The following DPP4 variants were observed in gnomAD, a reference collection of about 807,000 sequenced individuals.
The protein encoded by DPP4 is dipeptidyl peptidase 4, also known as ADCP-2.
A neutral mutation model predicts 122.4 loss-of-function variants in DPP4; 93 were observed. That is an observed-to-expected ratio of 0.76 (90% CI 0.64 to 0.90). DPP4 has a LOEUF of 0.90. Ranked by LOEUF, DPP4 falls within the 40% of genes least tolerant of loss-of-function variation. DPP4 has a pLI of 0.00. For synonymous variants in DPP4, 321 were observed against 302.9 expected, an observed-to-expected ratio of 1.06 and a Z score of -0.62; for missense variants, 914 against 907.3, an observed-to-expected ratio of 1.01 and a Z score of -0.09.
chr2:162,018,963 A>C, intron 15 of DPP4, 113 bp from the exon 16 acceptor site: 1 of 1,360,698 alleles, frequency 7.3e-7, no homozygotes, highest in South Asian at 1.4e-5. Context: ...CGCAATCTTT[A>C]GGACTTTTTT....
intron 18 of DPP4, among the ~76,000 whole-genome samples, chr2:162,016,016 T>G (rs765526921): frequency 2.6e-5 from 4 of 152,158 alleles, no homozygotes; most frequent in African/African-American, 9.7e-5. Context: ...TCAGTTTGAG[T>G]AGCACTGATG....
chr2:162,033,862 G>GTATATATGTATA (rs1683659253), intron 9 of DPP4, among the ~76,000 whole-genome samples: 1 of 104,026 alleles, frequency 9.6e-6, no homozygotes, highest in African/African-American at 3.5e-5. Flanking sequence ...CAGAATATGT[G>GTATATATGTATA]TATATATATA....
chr2:162,047,440 A>AG lies in DPP4; in HGVS notation c.155dup (p.Tyr53LeufsTer2). ...TTAAGGAGTATAACTTCAGTCTATA[A>AG]GTATTTTTTAAGTAATCAGTTAGAG... is the stretch of plus-strand genomic sequence containing the variant. On this transcript the variant is annotated frameshift_variant, in exon 3 of 26. Transcript: ENST00000360534. LOFTEE classifies it high-confidence loss of function. 3.2e-6 allele frequency: 5 copies of AG among 1,586,846 alleles called. No homozygotes were observed. The highest frequency in any genetic ancestry group is 4.3e-6 in the Non-Finnish European group (5 of 1,161,196).
At position 162,047,504 on chromosome 2, in the gene DPP4, G is replaced by A; in HGVS notation, c.95-3C>T. On this transcript the variant is annotated splice_region_variant and splice_polypyrimidine_tract_variant and intron_variant, in intron 2 of 25. Coordinates refer to ENST00000360534, the MANE Select transcript of DPP4 (RefSeq NM_001935.4). Reference sequence around the variant, plus strand: ...ACTGTCAGCTGTAGCATCATCTGCTGGTTGAAAGAAAGAGCCAAATGTTCA... The same window carrying A: ...ACTGTCAGCTGTAGCATCATCTGCTAGTTGAAAGAAAGAGCCAAATGTTCA... 1.3e-6 allele frequency: 2 copies of A among 1,551,428 alleles called. No individual in the cohort carries two copies. Among genetic ancestry groups the A allele is most frequent in the Non-Finnish European group, 1.8e-6 (2 of 1,139,710 alleles).
intron 5 of DPP4, among the ~76,000 whole-genome samples, chr2:162,040,784 T>C (rs1411242557): frequency 1.3e-5 from 2 of 152,072 alleles, no homozygotes; most frequent in Non-Finnish European, 2.9e-5. Flanking sequence ...TATTGGCTCA[T>C]TTGTTATAAC....
At position 161,994,912 on chromosome 2, in the gene DPP4, C is replaced by G. The variant is rs1402476074; in HGVS notation, c.2199+49G>C. The G allele has an allele frequency of 1.9e-6, 3 of 1,551,398 alleles. No individual in the cohort carries two copies. The African/African-American group carries it at 4.1e-5, about 21-fold the overall frequency. On this transcript the variant is annotated intron_variant, in intron 25 of 25. Coordinates refer to ENST00000360534, the MANE Select transcript of DPP4 (RefSeq NM_001935.4). ...AAAGAATTAGCCCAGAAAGAGGAAA[C>G]TAGACCCCACCAGCAACTTCCCTCC... is the stretch of plus-strand genomic sequence containing the variant.
intron 21 of DPP4, 143 bp downstream of exon 21, chr2:162,009,098 A>T: frequency 1.2e-6 from 1 of 810,048 alleles, no homozygotes; most frequent in Non-Finnish European, 2.0e-6. Context: ...CTCAGTGGAG[A>T]TTCTGCAGAG....
At chr2:162,035,143 T>C (rs567235344) in intron 9 of DPP4, 21 bp downstream of exon 9, 2 of 1,595,162 alleles carry the variant, frequency 1.3e-6, no homozygotes, top group East Asian at 4.5e-5. Flanking sequence ...ATGGAACCAC[T>C]GTACAAACAG....
At chr2:162,019,308 A>G (rs202018683) in intron 14 of DPP4, 32 bp from the exon 15 acceptor site, 70 of 1,402,294 alleles carry the variant, frequency 5.0e-5, no homozygotes, top group Non-Finnish European at 6.3e-5. Context: ...ATATATATTA[A>G]TTATGTTTTT....
intron 6 of DPP4, 27 bp downstream of exon 6, chr2:162,039,105 A>C: frequency 6.2e-7 from 1 of 1,612,132 alleles, no homozygotes; most frequent in Non-Finnish European, 8.5e-7. Context: ...AGGAAAGCCT[A>C]ATAGATTTTA....
intron 13 of DPP4, 74 bp downstream of exon 13, chr2:162,020,507 T>G: frequency 2.5e-6 from 3 of 1,204,536 alleles, no homozygotes; most frequent in Non-Finnish European, 3.5e-6. Flanking sequence ...CCTTACCAAA[T>G]GATTTCCACT....
In DPP4 at chr2:161,993,378, T is replaced by A. The variant is rs1340660444; in HGVS notation, c.2206A>T (p.Thr736Ser). 2 of 1,608,794 alleles carry A rather than the reference T, an allele frequency of 1.2e-6. No homozygotes were observed. The highest frequency in any genetic ancestry group is 1.7e-6 in the Non-Finnish European group (2 of 1,175,492). ...VGVDFQAMWY[T>S]DEDHGIASST... ...CTAGCTATTCCATGGTCTTCATCAGTATACCACTAGAGAGAGAAAGAAAAG... is the reference window on the plus strand; with the variant it reads ...CTAGCTATTCCATGGTCTTCATCAGAATACCACTAGAGAGAGAAAGAAAAG... Residue 736 changes from threonine (T) to serine (S), a missense_variant, in exon 26 of 26, where the codon ACT becomes TCT. Thr to Ser is a moderately conservative substitution (Grantham distance 58). Transcript: ENST00000360534.
At chr2:162,039,426 C>T (rs1223622927) in intron 5 of DPP4, among the ~76,000 whole-genome samples, 1 of 152,058 alleles carries the variant, frequency 6.6e-6, no homozygotes, top group Non-Finnish European at 1.5e-5. Context: ...GACCACAGTG[C>T]ACCAAAAATG....
Position 162,017,144 on chromosome 2 carries a change from G to A in DPP4, c.1432C>T (p.Pro478Ser). ...YQLRCSGPGL[P>S]LYTLHSSVND... Reference sequence around the variant, plus strand: ...ACGCTGCTGTGTAGAGTATAGAGGGGCAGACCAGGACCTGTTAACACAATG... The same window carrying A: ...ACGCTGCTGTGTAGAGTATAGAGGGACAGACCAGGACCTGTTAACACAATG... Residue 478 changes from proline to serine, a missense_variant, in exon 17 of 26, where the codon CCC becomes TCC. Physicochemically the swap from Pro to Ser is moderately conservative, Grantham distance 74 (BLOSUM62 -1). Coordinates refer to ENST00000360534, the MANE Select transcript of DPP4 (RefSeq NM_001935.4). The A allele has an allele frequency of 6.2e-7, 1 of 1,611,944 alleles. No individual in the cohort carries two copies. The highest frequency in any genetic ancestry group is 1.7e-5 in the Admixed American group (1 of 59,974).
intron 23 of DPP4, among the ~76,000 whole-genome samples, chr2:161,998,173 G>C (rs1045611306): frequency 6.6e-6 from 1 of 152,152 alleles, no homozygotes; most frequent in Non-Finnish European, 1.5e-5. Flanking sequence ...ATAGAACTCT[G>C]AGCAATTTTC....
In DPP4 at chr2:162,074,178, A is replaced by C; in HGVS notation, c.-197T>G. ...AGGCGCCGCGGGCAGGCTGCAGGGC[A>C]GGCGGCGCGGGAGCAGGCGCGCGTG... On this transcript the variant is annotated 5_prime_UTR_variant, in exon 1 of 26. Transcript: ENST00000360534. The C allele has an allele frequency of 8.0e-7, 1 of 1,256,496 alleles. No homozygotes were observed. The highest frequency in any genetic ancestry group is 1.0e-6 in the Non-Finnish European group (1 of 1,002,468). 77.8% of individuals were successfully genotyped at this position (1,256,496 alleles called of 1,614,324 possible). A position where few individuals can be genotyped will look rare whatever the true frequency, so the allele number is the denominator to read the frequency against.
At chr2:162,055,225 T>A (rs1684526633) in intron 2 of DPP4, among the ~76,000 whole-genome samples, 1 of 152,236 alleles carries the variant, frequency 6.6e-6, no homozygotes, top group Non-Finnish European at 1.5e-5. Context: ...CTTCTATTAA[T>A]ACATGCCTAA....
At chr2:162,071,326 T>C (rs1685108199) in intron 2 of DPP4, among the ~76,000 whole-genome samples, 2 of 152,164 alleles carry the variant, frequency 1.3e-5, no homozygotes, top group Non-Finnish European at 2.9e-5. Flanking sequence ...TATTCAAGCT[T>C]GGCCCACAAA....
Position 162,038,336 on chromosome 2 carries a change from T to C in DPP4, c.579A>G (p.Ile193Met). The change falls in exon 8 of 26, where the codon ATA (isoleucine) becomes ATG (methionine). Residue 193 changes from isoleucine (I) to methionine (M), a missense_variant. Transcript: ENST00000360534. ...CCCAGTCAGTTATTCCATTATATAT[T>C]ATATCTTCTTTCCCCGTCCATGTGA... is the stretch of plus-strand genomic sequence containing the variant. ...YRITWTGKED[I>M]IYNGITDWVY... is the part of the protein sequence containing the mutation. 6.2e-7 allele frequency: 1 copy of C among 1,605,570 alleles called. No individual in the cohort carries two copies. The highest frequency in any genetic ancestry group is 1.1e-5 in the South Asian group (1 of 89,362).
Sources: gnomAD v4.1 joint callset for allele counts (sites outside exome capture counted in the v4.1 genomes callset) on GRCh38, gnomAD v4.1.1 for gene constraint, MANE v1.5 for transcripts, NCBI Gene and HGNC (gene_info 2026-07-23, HGNC 2026-07-21) for gene names.